TENT4B: variants seen among roughly 807,000 people sequenced by gnomAD.
TENT4B encodes the protein terminal nucleotidyltransferase 4B.
A neutral mutation model predicts 75.0 loss-of-function variants in TENT4B; 10 were observed. That is an observed-to-expected ratio of 0.13 (90% CI 0.08 to 0.23). The LOEUF is 0.23. Ranked by LOEUF, TENT4B falls within the 10% of genes least tolerant of loss-of-function variation. The probability of loss-of-function intolerance (pLI) is 1.00; values close to 1 mark genes in which losing one functional copy is unlikely to be tolerated. For synonymous variants in TENT4B, 350 were observed against 357.7 expected, an observed-to-expected ratio of 0.98 and a Z score of 0.24; for missense variants, 579 against 893.8, an observed-to-expected ratio of 0.65 and a Z score of 4.49.
intron 1 of TENT4B, among the ~76,000 whole-genome samples, chr16:50,189,103 A>G (rs1048934421): frequency 6.6e-5 from 10 of 152,032 alleles, no homozygotes; most frequent in Non-Finnish European, 1.5e-4. Flanking sequence ...AGCTTTTCTT[A>G]TTGCTTGTAG....
intron 1 of TENT4B, among the ~76,000 whole-genome samples, chr16:50,183,709 T>C (rs1018312207): frequency 1.3e-5 from 2 of 152,058 alleles, no homozygotes; most frequent in African/African-American, 4.8e-5. Context: ...GTTTCAGAAA[T>C]GGGCATTTGT....
intron 1 of TENT4B, among the ~76,000 whole-genome samples, chr16:50,176,494 CTTTTTTTTTTTTTTTTTTT>C: frequency 1.9e-5 from 1 of 53,090 alleles, no homozygotes; most frequent in African/African-American, 8.7e-5. Context: ...ACCAATAATT[CTTTTTTTTTTTTTTTTTTT>C]TTTTTTTTTT....
At chr16:50,175,612 G>A (rs777063923) in intron 1 of TENT4B, among the ~76,000 whole-genome samples, 3 of 151,888 alleles carry the variant, frequency 2.0e-5, no homozygotes, top group African/African-American at 4.8e-5. Context: ...AGCCTCCCGA[G>A]TAGCACATGA....
At chr16:50,179,767 A>T (rs1374055696) in intron 1 of TENT4B, among the ~76,000 whole-genome samples, 1 of 152,232 alleles carries the variant, frequency 6.6e-6, no homozygotes, top group Non-Finnish European at 1.5e-5. Flanking sequence ...TAGTGACTTT[A>T]TCTTTACCTG....
intron 2 of TENT4B, among the ~76,000 whole-genome samples, chr16:50,213,029 C>G (rs930742865): frequency 3.3e-5 from 5 of 152,158 alleles, no homozygotes; most frequent in Non-Finnish European, 7.3e-5. Flanking sequence ...CCAGGTCCAT[C>G]TCGCCTCAGA....
chr16:50,195,631 CATT>C (rs2030181503), intron 1 of TENT4B, among the ~76,000 whole-genome samples: 1 of 152,112 alleles, frequency 6.6e-6, no homozygotes, highest in South Asian at 2.1e-4. Context: ...ATATTTTTGT[CATT>C]ATTCAAGTTT....
chr16:50,160,216 C>T (rs1333342734), intron 1 of TENT4B, among the ~76,000 whole-genome samples: 2 of 152,196 alleles, frequency 1.3e-5, no homozygotes, highest in African/African-American at 4.8e-5. Context: ...AACTTTCATT[C>T]CACAACTTCC....
intron 3 of TENT4B, among the ~76,000 whole-genome samples, chr16:50,215,166 A>T (rs2031485575): frequency 6.6e-6 from 1 of 152,212 alleles, no homozygotes; most frequent in Non-Finnish European, 1.5e-5. Flanking sequence ...CAAAGGGTGA[A>T]TACTTGCTCT....
intron 10 of TENT4B, among the ~76,000 whole-genome samples, chr16:50,227,204 A>G (rs2032096721): frequency 6.6e-6 from 1 of 152,234 alleles, no homozygotes; most frequent in South Asian, 2.1e-4. Context: ...TTCCTAGAGC[A>G]GTATGCTTTG....
At chr16:50,214,394 G>A (rs2031443067) in intron 3 of TENT4B, 127 bp downstream of exon 3, 1 of 699,454 alleles carries the variant, frequency 1.4e-6, no homozygotes, top group East Asian at 2.9e-5. Context: ...GGTGGCTCAT[G>A]CCTGTAATCC....
intron 1 of TENT4B, among the ~76,000 whole-genome samples, chr16:50,185,577 T>C (rs1404386851): frequency 6.6e-6 from 1 of 152,230 alleles, no homozygotes; most frequent in East Asian, 1.9e-4. Context: ...TGCTTCCTTA[T>C]TGTGTAAACC....
At chr16:50,218,599 A>G (rs1193158961) in intron 5 of TENT4B, among the ~76,000 whole-genome samples, 2 of 150,954 alleles carry the variant, frequency 1.3e-5, no homozygotes, top group Non-Finnish European at 2.9e-5. Flanking sequence ...TGATCCGCCT[A>G]CCTCGGCCTC....
intron 1 of TENT4B, among the ~76,000 whole-genome samples, chr16:50,205,367 A>T (rs1371297979): frequency 1.3e-5 from 2 of 152,026 alleles, no homozygotes; most frequent in Non-Finnish European, 2.9e-5. Context: ...TGATTTTTTA[A>T]AAAAAATTAT....
Position 50,163,896 on chromosome 16 carries a change from G to A in TENT4B, c.638+9637G>A, listed in dbSNP as rs181829714. 4.2e-3 allele frequency among the ~76,000 whole-genome samples: 641 copies of A among 151,458 alleles called. 5 individuals carry two copies. Among genetic ancestry groups the A allele is most frequent in the African/African-American group, 0.015 (620 of 41,320 alleles). ...GGTCTCGCCGGGTGCGATGGCTCAC[G>A]CCTGTAATCCCAGTACTTTGGGAGG... On this transcript the variant is annotated intron_variant, in intron 1 of 11. Transcript: ENST00000561678.
chr16:50,216,985 T>C (rs1321167788), intron 4 of TENT4B, among the ~76,000 whole-genome samples: 1 of 152,230 alleles, frequency 6.6e-6, no homozygotes, highest in East Asian at 1.9e-4. Context: ...TTTGCAAAAC[T>C]GACCAGTAAT....
At chr16:50,157,375 G>A (rs891029146) in intron 1 of TENT4B, among the ~76,000 whole-genome samples, 1 of 152,092 alleles carries the variant, frequency 6.6e-6, no homozygotes, top group Non-Finnish European at 1.5e-5. Context: ...CATGCTCTTG[G>A]TATAGCCCAC....
intron 3 of TENT4B, 149 bp from the exon 4 acceptor site, chr16:50,215,926 C>A: frequency 2.2e-6 from 2 of 912,814 alleles, no homozygotes; most frequent in Non-Finnish European, 3.2e-6. Flanking sequence ...CCCTTCTCCA[C>A]AAAACCATTA....
At chr16:50,185,635 G>A (rs77686472) in intron 1 of TENT4B, among the ~76,000 whole-genome samples, 2 of 152,110 alleles carry the variant, frequency 1.3e-5, no homozygotes, top group South Asian at 2.1e-4. Flanking sequence ...TACTTAACAC[G>A]TGAAGAGGAT....
At chr16:50,188,504 C>T (rs2038578766) in intron 1 of TENT4B, among the ~76,000 whole-genome samples, 1 of 152,178 alleles carries the variant, frequency 6.6e-6, no homozygotes, top group Non-Finnish European at 1.5e-5. Context: ...AGGGAAGCAT[C>T]TCGATGATCC....
Sources: allele counts gnomAD v4.1 joint callset (sites outside exome capture counted in the v4.1 genomes callset), GRCh38; gene constraint gnomAD v4.1.1; transcripts MANE v1.5; gene names NCBI Gene and HGNC (gene_info 2026-07-23, HGNC 2026-07-21).